Variants in BRINP3 observed in about 807,000 individuals in gnomAD.
BRINP3 encodes the protein BMP/retinoic acid-inducible neural-specific protein 3.
BRINP3 carries 19 observed loss-of-function variants against 71.0 expected under a neutral mutation model. The ratio of observed to expected loss-of-function variants is 0.27; its 90% confidence interval spans 0.19 to 0.39. The LOEUF (loss-of-function observed/expected upper bound fraction) is 0.39. Among genes scored for constraint, BRINP3 ranks in the 10% least tolerant of loss-of-function variants. The probability of loss-of-function intolerance (pLI) is 1.00; values close to 1 mark genes in which losing one functional copy is unlikely to be tolerated. For missense variants in BRINP3, 959 were observed against 940.8 expected (o/e 1.02, Z -0.25); for synonymous variants, 380 against 337.7 (o/e 1.13, Z -1.37).
In BRINP3 at chr1:190,434,074, A is replaced by G. The variant is rs569970488; in HGVS notation, c.236+20581T>C. 1.7e-3 allele frequency among the ~76,000 whole-genome samples: 254 copies of G among 152,194 alleles called. 1 individual carries two copies. The highest frequency in any genetic ancestry group is 5.9e-3 in the African/African-American group (245 of 41,526). On this transcript the variant is annotated intron_variant, in intron 2 of 7. Transcript: ENST00000367462. ...ACCATGTCTTTTTGTTTTACCAGCA[A>G]ACATTAGTTTCACCTAAAGAAATGG...
At chr1:190,303,992 T>G (rs1194828683) in intron 2 of BRINP3, among the ~76,000 whole-genome samples, 1 of 151,784 alleles carries the variant, frequency 6.6e-6, no homozygotes, top group East Asian at 1.9e-4. Context: ...GTTAGTCATC[T>G]AATGAAGAAA....
intron 5 of BRINP3, among the ~76,000 whole-genome samples, chr1:190,230,520 C>T (rs4298734): frequency 0.59 from 89,834 of 151,606 alleles, 26,873 homozygotes; most frequent in Admixed American, 0.69. Context: ...TATTAATATG[C>T]ATATTTTACA....
At chr1:190,250,767 C>T (rs980832771) in intron 4 of BRINP3, among the ~76,000 whole-genome samples, 4 of 151,972 alleles carry the variant, frequency 2.6e-5, no homozygotes, top group Non-Finnish European at 4.4e-5. Context: ...GAAGCAGAAC[C>T]TTAGAATGTT....
intron 2 of BRINP3, among the ~76,000 whole-genome samples, chr1:190,412,261 G>A (rs1672715384): frequency 6.6e-6 from 1 of 151,674 alleles, no homozygotes; most frequent in Non-Finnish European, 1.5e-5. Context: ...ATCTAAATAT[G>A]TGAGATTTTA....
chr1:190,159,243 G>T (rs1267574175), intron 7 of BRINP3, among the ~76,000 whole-genome samples: 1 of 152,090 alleles, frequency 6.6e-6, no homozygotes, highest in Non-Finnish European at 1.5e-5. Flanking sequence ...AATGTGGAGA[G>T]ATTGGAGTTG....
chr1:190,366,422 G>A (rs1032087993), intron 2 of BRINP3, among the ~76,000 whole-genome samples: 4 of 152,226 alleles, frequency 2.6e-5, no homozygotes, highest in Admixed American at 2.6e-4. Flanking sequence ...TTCCCACTGG[G>A]TCCCTCCCAT....
chr1:190,280,731 GC>G (rs1662970231), intron 3 of BRINP3, among the ~76,000 whole-genome samples: 1 of 151,830 alleles, frequency 6.6e-6, no homozygotes, highest in African/African-American at 2.4e-5. Context: ...TCTTTTCCTG[GC>G]TTTCCTATTC....
intron 1 of BRINP3, among the ~76,000 whole-genome samples, chr1:190,459,578 T>G (rs1249027739): frequency 1.3e-5 from 2 of 152,006 alleles, no homozygotes; most frequent in African/African-American, 4.8e-5. Context: ...GTGGTGCATC[T>G]TTTAAACCTC....
intron 2 of BRINP3, chr1:190,362,368 G>A (rs1669204501): frequency 6.6e-6 from 1 of 152,126 alleles, no homozygotes; most frequent in African/African-American, 2.4e-5. Flanking sequence ...AGCCGATTTT[G>A]GGAATAAAAA....
rs181872947 is a variant in BRINP3 at position 190,148,929 on chromosome 1, G to T, written c.1184+11739C>A. ...GATAAACCTGAGAAATAACATGGTA[G>T]AGTAATGAAAAACTCGACGACCTCT... On this transcript the variant is annotated intron_variant, in intron 7 of 7. Transcript: ENST00000367462. Among the ~76,000 whole-genome samples, 250 of 152,258 alleles carry T rather than the reference G, an allele frequency of 1.6e-3. 1 individual carries two copies. Among genetic ancestry groups the T allele is most frequent in the African/African-American group, 5.5e-3 (227 of 41,558 alleles).
chr1:190,265,520 T>C (rs1411191283), intron 3 of BRINP3, among the ~76,000 whole-genome samples: 1 of 141,596 alleles, frequency 7.1e-6, no homozygotes, highest in Non-Finnish European at 1.5e-5. Context: ...GCTAACACGG[T>C]GAAACCCCGT....
At chr1:190,216,359 T>G (rs533485983) in intron 6 of BRINP3, among the ~76,000 whole-genome samples, 1 of 151,768 alleles carries the variant, frequency 6.6e-6, no homozygotes, top group African/African-American at 2.4e-5. Flanking sequence ...TTATATATCT[T>G]TATTCTATAC....
chr1:190,150,209 G>A (rs77255834), intron 7 of BRINP3, among the ~76,000 whole-genome samples: 4,703 of 152,046 alleles, frequency 0.031, 223 homozygotes, highest in African/African-American at 0.11. Flanking sequence ...CCATTTTAAT[G>A]AGTTGGTATA....
chr1:190,445,479 TAGTG>T (rs1370450850), intron 2 of BRINP3, among the ~76,000 whole-genome samples: 7 of 152,012 alleles, frequency 4.6e-5, no homozygotes, highest in African/African-American at 7.2e-5. Flanking sequence ...TTTTGTAACT[TAGTG>T]AGAAACATCA....
chr1:190,307,248 T>G (rs1665170595), intron 2 of BRINP3, among the ~76,000 whole-genome samples: 1 of 148,084 alleles, frequency 6.8e-6, no homozygotes, highest in African/African-American at 2.5e-5. Flanking sequence ...AGCTCCTCAT[T>G]TAAAACATTG....
At chr1:190,235,203 A>G (rs1163388306) in intron 4 of BRINP3, among the ~76,000 whole-genome samples, 1 of 152,018 alleles carries the variant, frequency 6.6e-6, no homozygotes, top group Non-Finnish European at 1.5e-5. Context: ...TTTCCATCCA[A>G]TTTTGGTCTG....
intron 2 of BRINP3, among the ~76,000 whole-genome samples, chr1:190,326,201 G>A (rs1367482313): frequency 6.6e-6 from 1 of 152,078 alleles, no homozygotes; most frequent in East Asian, 1.9e-4. Context: ...TTGGAAGTCA[G>A]GTCTTTTGAA....
rs1348229188 is a variant in BRINP3, at chr1:190,305,717, G to T, written c.237-23967C>A. Among the ~76,000 whole-genome samples, 3 of 151,518 alleles carry T rather than the reference G, an allele frequency of 2.0e-5. No homozygotes were observed. In the East Asian group the frequency reaches 5.8e-4, roughly 30 times the overall value. Reference sequence around the variant, plus strand: ...AATGATGTTAACATAGAGATATTTTGAAATATACAGATATTTGTAAATATA... The same window carrying T: ...AATGATGTTAACATAGAGATATTTTTAAATATACAGATATTTGTAAATATA... On this transcript the variant is annotated intron_variant, in intron 2 of 7. Transcript: ENST00000367462.
intron 2 of BRINP3, among the ~76,000 whole-genome samples, chr1:190,301,195 A>ATG (rs1457112591): frequency 8.0e-5 from 4 of 49,990 alleles, no homozygotes; most frequent in African/African-American, 2.0e-4. Context: ...ATGTATATAT[A>ATG]TACACATACA....
Sources: gnomAD v4.1 joint callset for allele counts (sites outside exome capture counted in the v4.1 genomes callset) on GRCh38, gnomAD v4.1.1 for gene constraint, MANE v1.5 for transcripts, NCBI Gene and HGNC (gene_info 2026-07-23, HGNC 2026-07-21) for gene names.